The following COL23A1 variants were observed in gnomAD, a reference collection of about 807,000 sequenced individuals.
The protein encoded by COL23A1 is collagen type XXIII alpha 1 chain.
A neutral mutation model predicts 99.3 loss-of-function variants in COL23A1; 97 were observed. The ratio of observed to expected loss-of-function variants is 0.98; its 90% CI spans 0.83 to 1.16. COL23A1 has a LOEUF of 1.16. Among genes scored for constraint, COL23A1 ranks in the 50% most tolerant of loss-of-function variants. COL23A1 has a pLI of 0.00. For missense variants in COL23A1, 762 were observed against 757.4 expected (o/e 1.01, Z -0.07); for synonymous variants, 320 against 308.2 (o/e 1.04, Z -0.40).
At chr5:178,421,694 C>G (rs1765639485) in intron 2 of COL23A1, among the ~76,000 whole-genome samples, 3 of 152,148 alleles carry the variant, frequency 2.0e-5, no homozygotes, top group Admixed American at 1.3e-4. Flanking sequence ...CATGGTGAAA[C>G]CCGTCTCTAC....
At chr5:178,504,418 G>A (rs1320200558) in intron 2 of COL23A1, among the ~76,000 whole-genome samples, 1 of 152,216 alleles carries the variant, frequency 6.6e-6, no homozygotes, top group Non-Finnish European at 1.5e-5. Flanking sequence ...GGCGGACCCT[G>A]GGAGCAGCAG....
intron 2 of COL23A1, among the ~76,000 whole-genome samples, chr5:178,465,550 G>T (rs1756371616): frequency 6.6e-6 from 1 of 152,164 alleles, no homozygotes; most frequent in Non-Finnish European, 1.5e-5. Flanking sequence ...TGGTGGACAG[G>T]CCCACAGCAC....
At chr5:178,429,064 G>C (rs1431551342) in intron 2 of COL23A1, among the ~76,000 whole-genome samples, 1 of 152,180 alleles carries the variant, frequency 6.6e-6, no homozygotes, top group African/African-American at 2.4e-5. Context: ...TGTAAACCAG[G>C]TGCGGGGAGG....
intron 2 of COL23A1, among the ~76,000 whole-genome samples, chr5:178,457,727 TCA>T (rs1300441321): frequency 1.3e-5 from 2 of 152,194 alleles, no homozygotes; most frequent in African/African-American, 4.8e-5. Context: ...ATTATCATCC[TCA>T]GACTGCTGCA....
At chr5:178,252,664 G>A in intron 16 of COL23A1, 67 bp from the exon 17 acceptor site, 2 of 1,392,642 alleles carry the variant, frequency 1.4e-6, no homozygotes, top group Non-Finnish European at 2.0e-6. Flanking sequence ...TACCCATCCA[G>A]CTCCCCACCT....
chr5:178,582,090 C>A (rs1763688242), intron 1 of COL23A1, among the ~76,000 whole-genome samples: 1 of 151,262 alleles, frequency 6.6e-6, no homozygotes, highest in Non-Finnish European at 1.5e-5. Context: ...ATCTGTAATC[C>A]CAGCATTTTG....
intron 2 of COL23A1, among the ~76,000 whole-genome samples, chr5:178,517,066 ACATCCATCCTCC>A (rs1408489822): frequency 6.6e-6 from 1 of 152,116 alleles, no homozygotes; most frequent in East Asian, 1.9e-4. Flanking sequence ...TGCCACAACC[ACATCCATCCTCC>A]CATCCATCCG....
chr5:178,410,131 T>C (rs1764985961), intron 2 of COL23A1, among the ~76,000 whole-genome samples: 1 of 152,210 alleles, frequency 6.6e-6, no homozygotes, highest in Non-Finnish European at 1.5e-5. Flanking sequence ...TTAGAAATGC[T>C]TACATAATAC....
chr5:178,445,119 G>A (rs965867167), intron 2 of COL23A1, among the ~76,000 whole-genome samples: 3 of 152,170 alleles, frequency 2.0e-5, no homozygotes, highest in African/African-American at 7.2e-5. Flanking sequence ...GATCCAAGTA[G>A]TATTTATTCT....
At chr5:178,247,939 A>G in intron 20 of COL23A1, 108 bp from the exon 21 acceptor site, 2 of 1,013,024 alleles carry the variant, frequency 2.0e-6, no homozygotes, top group Non-Finnish European at 2.9e-6. Flanking sequence ...CCTGCCCCCC[A>G]GAGGGCAGAG....
At chr5:178,295,960 A>AG (rs971615938) in intron 3 of COL23A1, among the ~76,000 whole-genome samples, 8 of 152,224 alleles carry the variant, frequency 5.3e-5, no homozygotes, top group African/African-American at 1.2e-4. Context: ...GCTTCTGAGT[A>AG]GGGGGGCCAA....
chr5:178,295,459 CAAAAAAATG>C (rs1029780800), intron 3 of COL23A1, among the ~76,000 whole-genome samples: 6 of 151,908 alleles, frequency 3.9e-5, no homozygotes, highest in East Asian at 1.9e-4. Flanking sequence ...CATATCAGAT[CAAAAAAATG>C]AAAAAAATCT....
chr5:178,507,286 G>A (rs780877871), intron 2 of COL23A1, among the ~76,000 whole-genome samples: 6 of 152,080 alleles, frequency 3.9e-5, no homozygotes, highest in African/African-American at 7.2e-5. Flanking sequence ...CAGAGTGGGC[G>A]GACACTGTCC....
intron 2 of COL23A1, among the ~76,000 whole-genome samples, chr5:178,326,953 C>CAG (rs1759715821): frequency 6.6e-6 from 1 of 152,190 alleles, no homozygotes; most frequent in South Asian, 2.1e-4. Context: ...CTCCTGACTT[C>CAG]GTGATCCGCC....
Position 178,249,997 on chromosome 5 carries a change from A to G in COL23A1, c.1059+64T>C. On this transcript the variant is annotated intron_variant, in intron 18 of 28. Transcript: ENST00000390654. ...CACACATGCACACGCACACACACAC[A>G]CACACACACACAGAGCCCAATACCA... 3.8e-6 allele frequency: 6 copies of G among 1,559,062 alleles called. No individual in the cohort carries two copies. In the South Asian group the frequency reaches 6.7e-5, roughly 17 times the overall value.
At position 178,468,580 on chromosome 5, in the gene COL23A1, G is replaced by A. The variant is rs1301331620; in HGVS notation, c.361+92102C>T. The stretch of plus-strand genomic sequence containing the variant: ...CCTCTGAGCTGACCTCAGGCTGCAG[G>A]CCACACGCAGAGCAGCTTCCCCTCC... On this transcript the variant is annotated intron_variant, in intron 2 of 28. Coordinates refer to ENST00000390654, the MANE Select transcript of COL23A1 (RefSeq NM_173465.4). The surrounding 1 kb of genome is among the most constrained non-coding windows in gnomAD (Gnocchi z 4.2). Among the ~76,000 whole-genome samples the A allele has an allele frequency of 6.7e-6, 1 of 149,560 alleles. No individual in the cohort carries two copies. Among genetic ancestry groups the A allele is most frequent in the Non-Finnish European group, 1.5e-5 (1 of 68,020 alleles).
chr5:178,375,794 G>A (rs2973721), intron 2 of COL23A1, among the ~76,000 whole-genome samples: 21,436 of 152,066 alleles, frequency 0.14, 1,598 homozygotes, highest in South Asian at 0.24. Flanking sequence ...TGAAACCTCC[G>A]CCTCCCAGGT....
At chr5:178,495,198 C>T (rs1378914309) in intron 2 of COL23A1, among the ~76,000 whole-genome samples, 2 of 152,228 alleles carry the variant, frequency 1.3e-5, no homozygotes. Context: ...CTGCACCCCG[C>T]CCATCAGCAG....
At chr5:178,457,590 A>G (rs1365337636) in intron 2 of COL23A1, among the ~76,000 whole-genome samples, 1 of 152,184 alleles carries the variant, frequency 6.6e-6, no homozygotes, top group Non-Finnish European at 1.5e-5. Context: ...TACTTCAAAT[A>G]TGGAATATTA....
Sources: allele counts gnomAD v4.1 joint callset (sites outside exome capture counted in the v4.1 genomes callset), GRCh38; gene constraint gnomAD v4.1.1; non-coding constraint Gnocchi (gnomAD v3.1); transcripts MANE v1.5; gene names NCBI Gene and HGNC (gene_info 2026-07-23, HGNC 2026-07-21).